Variants in UGCG observed in about 807,000 individuals in gnomAD.
UGCG encodes the protein UDP-glucose ceramide glucosyltransferase, also known as ceramide glucosyltransferase.
In UGCG, 10 loss-of-function variants were observed where a neutral mutation model predicts 49.5. The ratio of observed to expected loss-of-function variants is 0.20; its 90% CI spans 0.12 to 0.34. The LOEUF is 0.34. Among genes scored for constraint, UGCG ranks in the 10% least tolerant of loss-of-function variants. The probability of loss-of-function intolerance (pLI) is 1.00; values close to 1 mark genes in which losing one functional copy is unlikely to be tolerated. For missense variants in UGCG, 312 were observed against 483.7 expected, an observed-to-expected ratio of 0.65 and a Z score of 3.33; for synonymous variants, 182 against 158.2, an observed-to-expected ratio of 1.15 and a Z score of -1.13.
chr9:111,897,086 C>T lies in UGCG; in HGVS notation c.-130C>T. On this transcript the variant is annotated 5_prime_UTR_variant, in exon 1 of 9. Transcript: ENST00000374279. The stretch of plus-strand genomic sequence containing the variant: ...CCCCTTCCGTCCCCACCCCCCTCCG[C>T]CCTTTCCTCTCCCCACCTTCCTCTC... 3 of 610,194 alleles carry T rather than the reference C, an allele frequency of 4.9e-6. No individual in the cohort carries two copies. The South Asian group carries it at 6.4e-5, about 13-fold the overall frequency. The allele number at this position is 610,194 out of a possible 1,614,324, so 37.8% of individuals were successfully genotyped here.
chr9:111,927,483 G>A (rs899138240), intron 5 of UGCG, among the ~76,000 whole-genome samples: 5 of 150,918 alleles, frequency 3.3e-5, no homozygotes, highest in African/African-American at 1.2e-4. Flanking sequence ...ATGGAGTCTC[G>A]CTCTGTCGCC....
chr9:111,931,259 C>G lies in UGCG; in HGVS notation c.738-12C>G, dbSNP rs1305039873. ...TCATCATAACTTATTTTCTAATTAT[C>G]TTAATTTTCAGAGGTTGGAGGTTTG... On this transcript the variant is annotated splice_polypyrimidine_tract_variant and intron_variant, in intron 6 of 8. Transcript: ENST00000374279. 1.2e-6 allele frequency: 2 copies of G among 1,612,490 alleles called. No homozygotes were observed. The highest frequency in any genetic ancestry group is 1.7e-5 in the Admixed American group (1 of 59,896).
At chr9:111,915,281 A>G (rs902104693) in intron 2 of UGCG, among the ~76,000 whole-genome samples, 2 of 152,206 alleles carry the variant, frequency 1.3e-5, no homozygotes, top group African/African-American at 2.4e-5. Flanking sequence ...CCATTTATCT[A>G]TATAATCTGT....
At chr9:111,898,703 T>C (rs911139871) in intron 1 of UGCG, among the ~76,000 whole-genome samples, 11 of 152,282 alleles carry the variant, frequency 7.2e-5, no homozygotes, top group Non-Finnish European at 1.2e-4. Context: ...AAGGAATTTA[T>C]GCAATAGAGA....
intron 5 of UGCG, 122 bp from the exon 6 acceptor site, chr9:111,929,378 G>A (rs887961527): frequency 2.9e-6 from 3 of 1,023,496 alleles, no homozygotes; most frequent in South Asian, 3.9e-5. Flanking sequence ...GGTAGTCTAC[G>A]TAAGAATAAT....
intron 2 of UGCG, chr9:111,915,866 AT>A (rs1285081129): frequency 2.1e-6 from 2 of 965,270 alleles, no homozygotes; most frequent in Admixed American, 6.2e-5. Flanking sequence ...ATTCAGTTGT[AT>A]TTTTAGTGTT....
At chr9:111,910,193 C>T (rs368663059) in intron 1 of UGCG, among the ~76,000 whole-genome samples, 3 of 152,152 alleles carry the variant, frequency 2.0e-5, no homozygotes, top group Non-Finnish European at 4.4e-5. Context: ...AAAATGTAAT[C>T]GCCTCTAGAC....
At chr9:111,918,856 C>T (rs563261917) in intron 2 of UGCG, among the ~76,000 whole-genome samples, 20 of 149,098 alleles carry the variant, frequency 1.3e-4, no homozygotes, top group African/African-American at 4.7e-4. Context: ...ACCTGGAAGG[C>T]GGAGCTTGCA....
rs1261559548 is a variant in UGCG, at chr9:111,934,306, G to A, written c.*1309G>A. 1.3e-5 allele frequency: 2 copies of A among 151,440 alleles called. No individual in the cohort carries two copies. 9.4% of individuals were successfully genotyped at this position (151,440 alleles called of 1,614,324 possible). On this transcript the variant is annotated 3_prime_UTR_variant, in exon 9 of 9. Coordinates refer to ENST00000374279, the MANE Select transcript of UGCG (RefSeq NM_003358.3). ...TCATGCCGCTAAACTTGCTCGCCAG[G>A]TTGTGCTTAACTTGTGGTGAACTGG... is the stretch of plus-strand genomic sequence containing the variant.
At chr9:111,901,536 G>T (rs1029169668) in intron 1 of UGCG, among the ~76,000 whole-genome samples, 78 of 152,102 alleles carry the variant, frequency 5.1e-4, no homozygotes, top group Admixed American at 5.0e-3. Flanking sequence ...AAAGTGAGGG[G>T]CAGTGTGGGG....
In UGCG at chr9:111,924,837, C is replaced by T; in HGVS notation, c.404C>T (p.Ala135Val). 1 of 1,539,214 alleles carries T rather than the reference C, an allele frequency of 6.5e-7. No individual in the cohort carries two copies. Among genetic ancestry groups the T allele is most frequent in the Non-Finnish European group, 8.7e-7 (1 of 1,149,994 alleles). Residue 135 changes from alanine (A) to valine (V), a missense_variant, in exon 4 of 9, where the codon GCA becomes GTA. Transcript: ENST00000374279. The stretch of plus-strand genomic sequence containing the variant: ...AATTTAATGCCAGGATATGAAGTTG[C>T]AAAGTATGATCTTATATGGATTTGT... ...INNLMPGYEV[A>V]KYDLIWICDS...
chr9:111,916,256 T>C (rs1838108159), intron 2 of UGCG, among the ~76,000 whole-genome samples: 1 of 152,188 alleles, frequency 6.6e-6, no homozygotes, highest in African/African-American at 2.4e-5. Context: ...TATGAATGAA[T>C]CTTAGAGCAT....
rs77863319 is a variant in UGCG, at chr9:111,934,130, T to C, written c.*1133T>C. 1 of 145,916 alleles carries C rather than the reference T, an allele frequency of 6.9e-6. No individual in the cohort carries two copies. The highest frequency in any genetic ancestry group is 1.5e-5 in the Non-Finnish European group (1 of 64,766). 9.0% of individuals were successfully genotyped at this position (145,916 alleles called of 1,614,324 possible). A position where few individuals can be genotyped will look rare whatever the true frequency, so the allele number is the denominator to read the frequency against. On this transcript the variant is annotated 3_prime_UTR_variant, in exon 9 of 9. Coordinates refer to ENST00000374279, the MANE Select transcript of UGCG (RefSeq NM_003358.3). Reference sequence around the variant, plus strand: ...ATCAAACTAAGTCTACTGTGTGTGTTTTTTTTTTTTGTTTTTTGTTTTTGT... The same window carrying C: ...ATCAAACTAAGTCTACTGTGTGTGTCTTTTTTTTTTGTTTTTTGTTTTTGT...
intron 1 of UGCG, among the ~76,000 whole-genome samples, chr9:111,902,776 TTC>T (rs887916565): frequency 3.4e-5 from 5 of 147,414 alleles, no homozygotes; most frequent in Non-Finnish European, 5.9e-5. Flanking sequence ...TAGAGTGAAA[TTC>T]TCTCTTTTTT....
At chr9:111,914,984 A>T (rs2118541382) in intron 2 of UGCG, 1 of 403,296 alleles carries the variant, frequency 2.5e-6, no homozygotes, top group Admixed American at 4.1e-5. Flanking sequence ...TCCCTGAGTA[A>T]ACCTTCTGAA....
intron 1 of UGCG, among the ~76,000 whole-genome samples, chr9:111,907,441 C>G (rs574897694): frequency 2.0e-4 from 30 of 152,292 alleles, no homozygotes; most frequent in Non-Finnish European, 4.1e-4. Context: ...TTGGTCTGGT[C>G]TGCTAATTTG....
chr9:111,915,810 T>G (rs1838100086), intron 2 of UGCG: 1 of 985,086 alleles, frequency 1.0e-6, no homozygotes, highest in South Asian at 4.7e-5. Context: ...GACACAGATG[T>G]GATAGCCTTA....
At chr9:111,908,425 A>G (rs552208296) in intron 1 of UGCG, among the ~76,000 whole-genome samples, 3 of 152,366 alleles carry the variant, frequency 2.0e-5, no homozygotes, top group East Asian at 1.9e-4. Flanking sequence ...AGGGGAGCAT[A>G]GTACGTGGAA....
At chr9:111,897,437 C>T (rs1472327439) in intron 1 of UGCG, 124 bp downstream of exon 1, 1 of 735,696 alleles carries the variant, frequency 1.4e-6, no homozygotes, top group Admixed American at 2.7e-5. Flanking sequence ...AGCTGATCGT[C>T]AGGCTGTTCC....
Sources: gnomAD v4.1 joint callset for allele counts (sites outside exome capture counted in the v4.1 genomes callset) on GRCh38, gnomAD v4.1.1 for gene constraint, MANE v1.5 for transcripts, NCBI Gene and HGNC (gene_info 2026-07-23, HGNC 2026-07-21) for gene names.